The following SV2C variants were observed in gnomAD, a reference collection of about 807,000 sequenced individuals.
SV2C encodes the protein solute carrier family 22 member B3.
A neutral mutation model predicts 79.7 loss-of-function variants in SV2C; 49 were observed. The observed-to-expected ratio is 0.61, with a 90% CI of 0.49 to 0.78. The LOEUF is 0.78. SV2C is among the 30% of genes least tolerant of loss of function. SV2C has a pLI of 0.00. For missense variants in SV2C, 833 were observed against 912.9 expected (o/e 0.91, Z 1.13); for synonymous variants, 334 against 333.2 (o/e 1.00, Z -0.03).
At chr5:76,085,281 G>GC (rs1747147587) in intron 1 of SV2C, among the ~76,000 whole-genome samples, 1 of 152,204 alleles carries the variant, frequency 6.6e-6, no homozygotes. Context: ...AGGAGGCCTG[G>GC]CCTCTAAGTG....
At chr5:75,981,919 G>A in the SV2C span, among the ~76,000 whole-genome samples, 1 of 152,084 alleles carries the variant, frequency 6.6e-6, no homozygotes, top group South Asian at 2.1e-4. Flanking sequence ...ACTATCAAGA[G>A]AGGAAACAGA....
chr5:76,180,998 CA>C (rs1743702446), intron 2 of SV2C, among the ~76,000 whole-genome samples: 1 of 152,170 alleles, frequency 6.6e-6, no homozygotes, highest in African/African-American at 2.4e-5. Context: ...TCACATTTCG[CA>C]AGGCTCTCAA....
chr5:76,330,333 G>GGCTA lies in SV2C; in HGVS notation c.*4789_*4792dup, dbSNP rs1332241890. 6.6e-6 allele frequency: 1 copy of GGCTA among 152,122 alleles called. No individual in the cohort carries two copies. The highest frequency in any genetic ancestry group is 6.5e-5 in the Admixed American group (1 of 15,280). The allele number at this position is 152,122 out of a possible 1,614,324, so 9.4% of individuals were successfully genotyped here. On this transcript the variant is annotated 3_prime_UTR_variant, in exon 13 of 13. Transcript: ENST00000502798. ...TGGGTCTGTTTCAGCTCTTACTTAA[G>GGCTA]GCTAGCATGGTTGGGCAGGGGAAGA...
chr5:75,901,792 G>T, the SV2C span, among the ~76,000 whole-genome samples: 53 of 152,348 alleles, frequency 3.5e-4, no homozygotes, highest in African/African-American at 1.2e-3. Context: ...CTGGGCAATG[G>T]CAGGTGCCCC....
the SV2C span, among the ~76,000 whole-genome samples, chr5:75,962,699 C>T: frequency 1.7e-3 from 266 of 152,202 alleles, 2 homozygotes; most frequent in African/African-American, 6.0e-3. Flanking sequence ...GGCACATCCT[C>T]CCCACTAGCA....
At chr5:76,072,599 C>T in the SV2C span, among the ~76,000 whole-genome samples, 1 of 152,106 alleles carries the variant, frequency 6.6e-6, no homozygotes, top group East Asian at 1.9e-4. Flanking sequence ...AGTAGAGAAA[C>T]TTCTTTTTCT....
chr5:75,879,951 A>C, the SV2C span, among the ~76,000 whole-genome samples: 1 of 152,172 alleles, frequency 6.6e-6, no homozygotes, highest in Non-Finnish European at 1.5e-5. Context: ...TGCAGGTTTG[A>C]CACCACATGG....
At chr5:76,250,757 A>G (rs775289326) in intron 4 of SV2C, among the ~76,000 whole-genome samples, 2 of 152,226 alleles carry the variant, frequency 1.3e-5, no homozygotes, top group African/African-American at 4.8e-5. Flanking sequence ...GCAGAAAACG[A>G]TATCATCAAG....
At chr5:75,872,281 A>G in the SV2C span, among the ~76,000 whole-genome samples, 1 of 151,746 alleles carries the variant, frequency 6.6e-6, no homozygotes, top group African/African-American at 2.4e-5. Context: ...AAAAAGATTT[A>G]CCAGTGTTTA....
chr5:76,221,531 C>T (rs866773043), intron 4 of SV2C, among the ~76,000 whole-genome samples: 2 of 152,128 alleles, frequency 1.3e-5, no homozygotes, highest in Non-Finnish European at 2.9e-5. Flanking sequence ...GACAAGTCAC[C>T]CCAGTGCCCT....
the SV2C span, chr5:75,910,675 G>A: frequency 8.5e-7 from 1 of 1,181,922 alleles, no homozygotes; most frequent in Non-Finnish European, 1.2e-6. Flanking sequence ...AGAAAGACGA[G>A]GCCAAGACTG....
chr5:75,909,029 G>C, the SV2C span, among the ~76,000 whole-genome samples: 1 of 152,148 alleles, frequency 6.6e-6, no homozygotes, highest in African/African-American at 2.4e-5. Context: ...TGTGCTGAGA[G>C]GTAAGAAGTT....
At chr5:76,204,253 TG>T (rs929789927) in intron 3 of SV2C, among the ~76,000 whole-genome samples, 16 of 152,252 alleles carry the variant, frequency 1.1e-4, no homozygotes, top group African/African-American at 3.6e-4. Context: ...CTCTCCTTTT[TG>T]TTGATTCCGA....
intron 2 of SV2C, among the ~76,000 whole-genome samples, chr5:76,155,406 T>C (rs1241032437): frequency 6.6e-6 from 1 of 152,180 alleles, no homozygotes; most frequent in African/African-American, 2.4e-5. Flanking sequence ...CTCAGAGAGA[T>C]GGAAACTTCA....
chr5:76,347,200 C>A (rs1290020159), intron 12 of SV2C, among the ~76,000 whole-genome samples: 1 of 152,180 alleles, frequency 6.6e-6, no homozygotes, highest in Non-Finnish European at 1.5e-5. Flanking sequence ...AGGCAAAGGA[C>A]AGGGCCTTTT....
intron 9 of SV2C, among the ~76,000 whole-genome samples, chr5:76,296,654 A>G (rs1486013869): frequency 2.6e-5 from 4 of 152,248 alleles, no homozygotes; most frequent in Non-Finnish European, 1.5e-5. Context: ...GATAGTTTAC[A>G]TCATTCTTAG....
At chr5:76,258,255 C>T (rs963435834) in intron 4 of SV2C, among the ~76,000 whole-genome samples, 1 of 151,962 alleles carries the variant, frequency 6.6e-6, no homozygotes. Flanking sequence ...GCTGCCCGGC[C>T]CTTTGGATGT....
Position 76,285,224 on chromosome 5 carries a change from T to C in SV2C, c.976T>C (p.Cys326Arg), listed in dbSNP as rs752033928. 1.2e-6 allele frequency: 2 copies of C among 1,614,238 alleles called. No homozygotes were observed. The highest frequency in any genetic ancestry group is 1.7e-6 in the Non-Finnish European group (2 of 1,180,032). The change falls in exon 5 of 13, where the codon TGT (cysteine) becomes CGT (arginine). Residue 326 changes from cysteine (C) to arginine (R), a missense_variant. Cys to Arg is a radical substitution (Grantham distance 180, BLOSUM62 -3). Coordinates refer to ENST00000502798, the MANE Select transcript of SV2C (RefSeq NM_014979.4). Reference sequence around the variant, plus strand: ...CAGTTGGCGTGTGTTTGTCATCGTCTGTGCACTCCCCTGTGTCTCCTCCGT... The same window carrying C: ...CAGTTGGCGTGTGTTTGTCATCGTCCGTGCACTCCCCTGTGTCTCCTCCGT... ...FHSWRVFVIV[C>R]ALPCVSSVVA...
chr5:76,184,963 T>C (rs1362862541), intron 2 of SV2C, among the ~76,000 whole-genome samples: 2 of 152,202 alleles, frequency 1.3e-5, no homozygotes, highest in South Asian at 2.1e-4. Context: ...CTTCTTCCTA[T>C]GAGCCTGTAA....
Sources: allele counts gnomAD v4.1 joint callset (sites outside exome capture counted in the v4.1 genomes callset), GRCh38; gene constraint gnomAD v4.1.1; transcripts MANE v1.5; gene names NCBI Gene and HGNC (gene_info 2026-07-23, HGNC 2026-07-21).